MAG: variants seen among roughly 807,000 people sequenced by gnomAD.
MAG encodes myelin associated glycoprotein.
In MAG, 30 loss-of-function variants were observed where a neutral mutation model predicts 60.7. The ratio of observed to expected loss-of-function variants is 0.49; its 90% CI spans 0.37 to 0.67. The LOEUF (loss-of-function observed/expected upper bound fraction) is 0.67. Among genes scored for constraint, MAG ranks in the 30% least tolerant of loss-of-function variants. MAG has a pLI of 0.00. For synonymous variants in MAG, 384 were observed against 376.8 expected (o/e 1.02, Z -0.22); for missense variants, 795 against 851.7 (o/e 0.93, Z 0.83).
intron 2 of MAG, among the ~76,000 whole-genome samples, chr19:35,294,660 AATCCC>A (rs2066382617): frequency 6.6e-6 from 1 of 152,206 alleles, no homozygotes; most frequent in African/African-American, 2.4e-5. Context: ...TCATGCCTGT[AATCCC>A]AACACTTTGG....
At chr19:35,304,468 G>A (rs1011390927) in intron 7 of MAG, among the ~76,000 whole-genome samples, 2 of 152,146 alleles carry the variant, frequency 1.3e-5, no homozygotes, top group African/African-American at 2.4e-5. Flanking sequence ...GCAAATGCGC[G>A]TTAGGGGCCT....
In MAG at chr19:35,300,289, C is replaced by T. The variant is rs199720385; in HGVS notation, c.855C>T (p.Ala285=). The T allele has an allele frequency of 1.4e-4, 217 of 1,599,334 alleles. No individual in the cohort carries two copies. In the East Asian group the frequency reaches 3.7e-3, roughly 27 times the overall value. ...RDGTVLREAV[A]ESLLLELEEV... ...GGACAGTCCTCCGGGAGGCGGTGGC[C>T]GAGAGCCTGCTCCTGGAGCTGGAGG... Residue 285 remains alanine (A), a synonymous_variant, in exon 6 of 11, where the codon GCC becomes GCT. Coordinates refer to ENST00000392213, the MANE Select transcript of MAG (RefSeq NM_002361.4).
At chr19:35,306,206 C>G (rs905737816) in intron 7 of MAG, among the ~76,000 whole-genome samples, 3 of 150,706 alleles carry the variant, frequency 2.0e-5, no homozygotes, top group South Asian at 2.1e-4. Context: ...CCCACCCCCC[C>G]ACTCCCCCAC....
Position 35,300,240 on chromosome 19 carries a change from C to T in MAG, c.806C>T (p.Pro269Leu), listed in dbSNP as rs1256865687. The T allele has an allele frequency of 1.3e-6, 2 of 1,587,918 alleles. No individual in the cohort carries two copies. The highest frequency in any genetic ancestry group is 2.3e-5 in the East Asian group (1 of 44,080). Residue 269 changes from proline to leucine, a missense_variant, in exon 6 of 11, where the codon CCG becomes CTG. Physicochemically the swap from Pro to Leu is moderately conservative, Grantham distance 98. Transcript: ENST00000392213. ...LLCGADSNPP[P>L]LLTWMRDGTV... Reference sequence around the variant, plus strand: ...TGTGGGGCTGACAGCAACCCCCCGCCGCTGCTGACCTGGATGCGGGACGGG... The same window carrying T: ...TGTGGGGCTGACAGCAACCCCCCGCTGCTGCTGACCTGGATGCGGGACGGG...
chr19:35,304,008 G>C (rs969344178), intron 7 of MAG, among the ~76,000 whole-genome samples: 1 of 152,242 alleles, frequency 6.6e-6, no homozygotes, highest in African/African-American at 2.4e-5. Flanking sequence ...ACACAAGTTT[G>C]CCAGAAGGTT....
chr19:35,310,973 C>T (rs182667805), intron 9 of MAG, among the ~76,000 whole-genome samples: 3 of 152,304 alleles, frequency 2.0e-5, no homozygotes, highest in African/African-American at 7.2e-5. Context: ...TACCCCACTG[C>T]AGCCACAGCA....
chr19:35,299,591 A>G lies in MAG; in HGVS notation c.453A>G (p.Ala151=). The G allele has an allele frequency of 6.2e-7, 1 of 1,603,242 alleles. No individual in the cohort carries two copies. Among genetic ancestry groups the G allele is most frequent in the Non-Finnish European group, 8.5e-7 (1 of 1,172,520 alleles). ...PNIVVPPEVV[A]GTEVEVSCMV... ...TCGTGGTGCCCCCAGAGGTGGTGGC[A>G]GGCACGGAGGTGGAGGTCAGCTGCA... is the stretch of plus-strand genomic sequence containing the variant. The change falls in exon 5 of 11, where the codon GCA becomes GCG. Residue 151 remains alanine (A), a synonymous_variant. Transcript: ENST00000392213.
chr19:35,299,529 C>T (rs1215855466), intron 4 of MAG, 25 bp from the exon 5 acceptor site: 1 of 1,527,714 alleles, frequency 6.5e-7, no homozygotes, highest in Non-Finnish European at 8.9e-7. Context: ...GCTTTCTCAG[C>T]CCTCCCTTTC....
At chr19:35,312,902 G>A (rs1273618163) in intron 10 of MAG, among the ~76,000 whole-genome samples, 1 of 152,138 alleles carries the variant, frequency 6.6e-6, no homozygotes, top group Admixed American at 6.5e-5. Flanking sequence ...AGCCAGGCGT[G>A]TTGGCAGGTG....
chr19:35,297,120 AACCACAC>A (rs1305230489), intron 4 of MAG, among the ~76,000 whole-genome samples: 1 of 148,072 alleles, frequency 6.8e-6, no homozygotes, highest in Non-Finnish European at 1.5e-5. Context: ...AGGATTTTAA[AACCACAC>A]ACCACACACA....
At chr19:35,294,725 G>T (rs2066383103) in intron 2 of MAG, among the ~76,000 whole-genome samples, 2 of 152,002 alleles carry the variant, frequency 1.3e-5, no homozygotes, top group Non-Finnish European at 2.9e-5. Context: ...AGACCAGTCT[G>T]GGCAACACAG....
chr19:35,293,146 C>G lies in MAG; in HGVS notation c.-80+942C>G, dbSNP rs1192042898. On this transcript the variant is annotated intron_variant, in intron 1 of 10. Coordinates refer to ENST00000392213, the MANE Select transcript of MAG (RefSeq NM_002361.4). This position sits in a 1 kb window ranked among gnomAD's most constrained non-coding sequence, Gnocchi z 4.0. ...ATCTGCATCTCTCTCCTGTACCTTC[C>G]TGTCACAGGTGCAAGGGCAGCGTCG... Among the ~76,000 whole-genome samples, 2 of 152,148 alleles carry G rather than the reference C, an allele frequency of 1.3e-5. No homozygotes were observed. Among genetic ancestry groups the G allele is most frequent in the African/African-American group, 2.4e-5 (1 of 41,422 alleles).
intron 7 of MAG, among the ~76,000 whole-genome samples, chr19:35,306,769 G>A (rs978777984): frequency 2.0e-5 from 3 of 152,308 alleles, no homozygotes; most frequent in Middle Eastern, 3.4e-3. Context: ...ACACTTGCGC[G>A]CCTATCTTCG....
At chr19:35,300,740 T>A (rs1020668911) in intron 6 of MAG, among the ~76,000 whole-genome samples, 1 of 152,128 alleles carries the variant, frequency 6.6e-6, no homozygotes, top group Non-Finnish European at 1.5e-5. Context: ...CTTTATAAAA[T>A]TTTTTTGGAG....
chr19:35,305,702 C>T (rs1444052193), intron 7 of MAG, among the ~76,000 whole-genome samples: 1 of 152,178 alleles, frequency 6.6e-6, no homozygotes, highest in African/African-American at 2.4e-5. Flanking sequence ...CACCTGTAGT[C>T]CCAGCACTTT....
intron 7 of MAG, among the ~76,000 whole-genome samples, chr19:35,309,202 C>A (rs1202377941): frequency 2.0e-5 from 3 of 152,082 alleles, no homozygotes; most frequent in African/African-American, 7.2e-5. Flanking sequence ...GAAGAATTGC[C>A]CCAAGAGAGC....
rs1235432409 is a variant in MAG, at chr19:35,313,528, T to C, written c.*74T>C. 6 of 1,445,798 alleles carry C rather than the reference T, an allele frequency of 4.1e-6. No homozygotes were observed. The African/African-American group carries it at 7.2e-5, about 17-fold the overall frequency. 89.6% of individuals were successfully genotyped at this position (1,445,798 alleles called of 1,614,324 possible). A position where few individuals can be genotyped will look rare whatever the true frequency, so the allele number is the denominator to read the frequency against. On this transcript the variant is annotated 3_prime_UTR_variant, in exon 11 of 11. Transcript: ENST00000392213. ...GGCCCCCACTGGCTGTGGGCTCCCT[T>C]CCTCCCAAAAGTATCGGGGGCTGGG...
intron 9 of MAG, among the ~76,000 whole-genome samples, chr19:35,311,156 A>G (rs2145626483): frequency 6.6e-6 from 1 of 152,290 alleles, no homozygotes; most frequent in South Asian, 2.1e-4. Context: ...ACATAGCAAG[A>G]CCACATCTCT....
chr19:35,305,261 C>T (rs1405464349), intron 7 of MAG, among the ~76,000 whole-genome samples: 2 of 152,156 alleles, frequency 1.3e-5, no homozygotes, highest in African/African-American at 4.8e-5. Context: ...TCCCTGGCAC[C>T]AGGTCTCCAA....
Sources: allele counts gnomAD v4.1 joint callset (sites outside exome capture counted in the v4.1 genomes callset), GRCh38; gene constraint gnomAD v4.1.1; non-coding constraint Gnocchi (gnomAD v3.1); transcripts MANE v1.5; gene names NCBI Gene and HGNC (gene_info 2026-07-23, HGNC 2026-07-21).